Variants in CNTNAP2 observed in about 807,000 individuals in gnomAD.
CNTNAP2 encodes contactin-associated protein-like 2.
A neutral mutation model predicts 155.2 loss-of-function variants in CNTNAP2; 98 were observed. That is an observed-to-expected ratio of 0.63 (90% confidence interval 0.54 to 0.75). The LOEUF is 0.75. CNTNAP2 is among the 30% of genes least tolerant of loss of function. The pLI, the probability that CNTNAP2 is intolerant of heterozygous loss-of-function variation, is 0.00. For missense variants in CNTNAP2, 1,727 were observed against 1,688.1 expected, an observed-to-expected ratio of 1.02 and a Z score of -0.40; for synonymous variants, 651 against 631.2, an observed-to-expected ratio of 1.03 and a Z score of -0.47.
chr7:146,283,410 C>T (rs1330396321), intron 1 of CNTNAP2, among the ~76,000 whole-genome samples: 2 of 152,088 alleles, frequency 1.3e-5, no homozygotes, highest in Non-Finnish European at 2.9e-5. Flanking sequence ...CTCTGTGGCT[C>T]AGGCTGGAGT....
At chr7:147,691,652 C>A (rs1796088729) in intron 13 of CNTNAP2, among the ~76,000 whole-genome samples, 2 of 152,070 alleles carry the variant, frequency 1.3e-5, no homozygotes, top group African/African-American at 4.8e-5. Flanking sequence ...GTAGTAAAAT[C>A]CGTTAACTTA....
intron 12 of CNTNAP2, among the ~76,000 whole-genome samples, chr7:147,564,898 A>G (rs773183347): frequency 1.3e-4 from 20 of 152,194 alleles, no homozygotes; most frequent in Non-Finnish European, 2.5e-4. Context: ...AGGACCCTTG[A>G]AGAATCTTGC....
intron 1 of CNTNAP2, among the ~76,000 whole-genome samples, chr7:146,532,515 T>G (rs1488867392): frequency 6.6e-6 from 1 of 152,172 alleles, no homozygotes; most frequent in Non-Finnish European, 1.5e-5. Flanking sequence ...TTATGTGATA[T>G]GACTCTCAGA....
intron 1 of CNTNAP2, among the ~76,000 whole-genome samples, chr7:146,597,208 CGTT>C (rs910323782): frequency 6.6e-6 from 1 of 151,738 alleles, no homozygotes; most frequent in African/African-American, 2.4e-5. Context: ...GTTTGGTGGC[CGTT>C]GTTGGCATAA....
intron 1 of CNTNAP2, among the ~76,000 whole-genome samples, chr7:146,415,653 A>G (rs1263688396): frequency 1.3e-5 from 2 of 152,070 alleles, no homozygotes; most frequent in Non-Finnish European, 2.9e-5. Context: ...CCACTTTTGA[A>G]TCATAGGAAA....
At chr7:147,110,670 C>G (rs1584849953) in intron 5 of CNTNAP2, among the ~76,000 whole-genome samples, 1 of 152,146 alleles carries the variant, frequency 6.6e-6, no homozygotes, top group East Asian at 1.9e-4. Flanking sequence ...ACAATAGCCT[C>G]CAGCTCCATC....
rs184252120 is a variant in CNTNAP2, at chr7:148,193,714, T to A, written c.3010+21236T>A. 7.4e-4 allele frequency among the ~76,000 whole-genome samples: 112 copies of A among 152,178 alleles called. 1 individual carries two copies. The highest frequency in any genetic ancestry group is 2.6e-3 in the African/African-American group (108 of 41,536). ...ACTCCATGGTCCAGCCCACACTCCT[T>A]ATCTGACCTTACCTCTGGCCATCAG... On this transcript the variant is annotated intron_variant, in intron 18 of 23. Coordinates refer to ENST00000361727, the MANE Select transcript of CNTNAP2 (RefSeq NM_014141.6).
At chr7:147,123,357 A>G (rs1291058540) in intron 6 of CNTNAP2, among the ~76,000 whole-genome samples, 2 of 152,234 alleles carry the variant, frequency 1.3e-5, no homozygotes, top group Non-Finnish European at 1.5e-5. Context: ...ATTTTCAAAA[A>G]ACCAAATTAA....
chr7:148,151,936 A>T (rs1805303794), intron 17 of CNTNAP2, among the ~76,000 whole-genome samples: 1 of 152,130 alleles, frequency 6.6e-6, no homozygotes, highest in Non-Finnish European at 1.5e-5. Context: ...TCACACCAGC[A>T]TCCCTGCAAC....
intron 13 of CNTNAP2, among the ~76,000 whole-genome samples, chr7:147,859,273 C>T (rs368085165): frequency 2.6e-5 from 4 of 152,074 alleles, no homozygotes; most frequent in Admixed American, 2.6e-4. Flanking sequence ...ATCATATCTG[C>T]CAAGTTCTAG....
At chr7:147,308,765 G>T (rs115790517) in intron 9 of CNTNAP2, among the ~76,000 whole-genome samples, 2 of 152,200 alleles carry the variant, frequency 1.3e-5, no homozygotes, top group South Asian at 4.1e-4. Flanking sequence ...AATTCCCAGC[G>T]TCCTGTCTCT....
chr7:148,110,438 C>G (rs1804322031), intron 15 of CNTNAP2, among the ~76,000 whole-genome samples: 1 of 152,044 alleles, frequency 6.6e-6, no homozygotes, highest in Non-Finnish European at 1.5e-5. Context: ...ACTCCCACCC[C>G]CCACCACCTC....
chr7:146,285,976 C>CCT (rs1425983254), intron 1 of CNTNAP2, among the ~76,000 whole-genome samples: 5 of 50,274 alleles, frequency 9.9e-5, no homozygotes, highest in African/African-American at 7.0e-4. Flanking sequence ...TTCCTTCCTT[C>CCT]TCTGTGTGTG....
chr7:146,471,039 A>G (rs1796790748), intron 1 of CNTNAP2, among the ~76,000 whole-genome samples: 1 of 152,224 alleles, frequency 6.6e-6, no homozygotes, highest in Non-Finnish European at 1.5e-5. Flanking sequence ...TACATGGGTT[A>G]ATAAAAAATA....
At chr7:147,634,450 C>T (rs192551852) in intron 12 of CNTNAP2, among the ~76,000 whole-genome samples, 64 of 151,956 alleles carry the variant, frequency 4.2e-4, no homozygotes, top group Middle Eastern at 3.4e-3. Context: ...GGGGACTTGG[C>T]GGGGAAGGGA....
At chr7:146,704,009 C>T (rs910121088) in intron 1 of CNTNAP2, among the ~76,000 whole-genome samples, 1 of 152,040 alleles carries the variant, frequency 6.6e-6, no homozygotes, top group African/African-American at 2.4e-5. Context: ...TTTTATAGGT[C>T]ATATGTCTAC....
chr7:147,894,027 G>A (rs1799735617), intron 13 of CNTNAP2: 1 of 152,218 alleles, frequency 6.6e-6, no homozygotes, highest in East Asian at 1.9e-4. Flanking sequence ...GCTATCAGAT[G>A]ATTTGGAGGA....
rs529436908 is a variant in CNTNAP2, at chr7:146,562,516, A to G, written c.98-211755A>G. ...ATGACGCATTTTAAGGCAAATACAT[A>G]ATAAATGCTAAAATGTTGTAGCAAT... On this transcript the variant is annotated intron_variant, in intron 1 of 23. Transcript: ENST00000361727. Among the ~76,000 whole-genome samples, 429 of 152,300 alleles carry G rather than the reference A, an allele frequency of 2.8e-3. 2 individuals are homozygous for G. Among genetic ancestry groups the G allele is most frequent in the Middle Eastern group, 0.014 (4 of 294 alleles).
intron 15 of CNTNAP2, among the ~76,000 whole-genome samples, chr7:148,076,391 C>T (rs187088966): frequency 4.1e-5 from 6 of 147,156 alleles, no homozygotes; most frequent in Non-Finnish European, 8.9e-5. Flanking sequence ...AATGGAGACA[C>T]CCTGGTGTAG....
Sources: allele counts gnomAD v4.1 joint callset (sites outside exome capture counted in the v4.1 genomes callset), GRCh38; gene constraint gnomAD v4.1.1; transcripts MANE v1.5; gene names NCBI Gene and HGNC (gene_info 2026-07-23, HGNC 2026-07-21).